Variants in KCTD1 observed in about 807,000 individuals in gnomAD.
The protein encoded by KCTD1 is BTB/POZ domain-containing protein KCTD1.
A neutral mutation model predicts 66.0 loss-of-function variants in KCTD1; 24 were observed. The observed-to-expected ratio is 0.36, with a 90% confidence interval of 0.26 to 0.51. The LOEUF is 0.51. Ranked by LOEUF, KCTD1 falls within the 20% of genes least tolerant of loss-of-function variation. The pLI is 0.95. For synonymous variants in KCTD1, 511 were observed against 517.2 expected, an observed-to-expected ratio of 0.99 and a Z score of 0.16; for missense variants, 943 against 1,205.2, an observed-to-expected ratio of 0.78 and a Z score of 3.22.
intron 1 of KCTD1, among the ~76,000 whole-genome samples, chr18:26,614,341 G>A (rs1987202288): frequency 6.6e-6 from 1 of 152,208 alleles, no homozygotes; most frequent in African/African-American, 2.4e-5. Context: ...ATTCCAAGAA[G>A]CTCACCTTCT....
chr18:26,530,954 C>T (rs1437606134), intron 1 of KCTD1, among the ~76,000 whole-genome samples: 1 of 152,324 alleles, frequency 6.6e-6, no homozygotes, highest in African/African-American at 2.4e-5. Flanking sequence ...GTTACTATAA[C>T]ATATTTTTAT....
At chr18:26,528,845 T>C (rs929520110) in intron 1 of KCTD1, among the ~76,000 whole-genome samples, 4 of 152,222 alleles carry the variant, frequency 2.6e-5, no homozygotes, top group African/African-American at 9.6e-5. Context: ...CGGCCACTTG[T>C]AGTTCTATGC....
At chr18:26,465,016 C>T (rs552662006) in intron 3 of KCTD1, among the ~76,000 whole-genome samples, 34 of 152,296 alleles carry the variant, frequency 2.2e-4, no homozygotes, top group African/African-American at 3.8e-4. Flanking sequence ...GGAGTGGCCA[C>T]TGCAGTTTTT....
At chr18:26,612,944 G>A (rs1987168183) in intron 1 of KCTD1, among the ~76,000 whole-genome samples, 1 of 152,102 alleles carries the variant, frequency 6.6e-6, no homozygotes, top group African/African-American at 2.4e-5. Context: ...TTGTTTGTTG[G>A]CTGGAAGCAG....
At chr18:26,487,027 C>T (rs12960937) in intron 2 of KCTD1, among the ~76,000 whole-genome samples, 77,427 of 152,002 alleles carry the variant, frequency 0.51, 22,289 homozygotes, top group East Asian at 0.83. Context: ...ACAGAAGATA[C>T]CTGGAAGCAA....
rs114115633 is a variant in KCTD1 at position 26,623,405 on chromosome 18, G to A, written c.-16+5742C>T. Among the ~76,000 whole-genome samples the A allele has an allele frequency of 6.5e-3, 994 of 152,262 alleles. 13 individuals carry two copies. Among genetic ancestry groups the A allele is most frequent in the African/African-American group, 0.022 (924 of 41,532 alleles). On this transcript the variant is annotated intron_variant, in intron 1 of 4. Coordinates refer to the KCTD1 transcript ENST00000317932. ...TACCCACGATACACACGTGTCATGGGAGGGACTCAGTAGGATGTAATTGAA... is the reference window on the plus strand; with the variant it reads ...TACCCACGATACACACGTGTCATGGAAGGGACTCAGTAGGATGTAATTGAA...
At chr18:26,482,631 C>A (rs75896996) in intron 2 of KCTD1, among the ~76,000 whole-genome samples, 4 of 152,158 alleles carry the variant, frequency 2.6e-5, no homozygotes, top group African/African-American at 4.8e-5. Context: ...CTGTACCCCC[C>A]ACCCTTCCCA....
intron 1 of KCTD1, among the ~76,000 whole-genome samples, chr18:26,515,459 G>C (rs1183414056): frequency 6.6e-6 from 1 of 151,662 alleles, no homozygotes; most frequent in Non-Finnish European, 1.5e-5. Flanking sequence ...GGGCAATCTG[G>C]TGGCGCCTGA....
chr18:26,579,905 T>C (rs1342982215), intron 1 of KCTD1, among the ~76,000 whole-genome samples: 2 of 152,120 alleles, frequency 1.3e-5, no homozygotes, highest in Non-Finnish European at 2.9e-5. Flanking sequence ...AAAGGAAGTA[T>C]AGGATGATGA....
chr18:26,569,369 A>T (rs1986051652), intron 1 of KCTD1, among the ~76,000 whole-genome samples: 1 of 152,204 alleles, frequency 6.6e-6, no homozygotes, highest in East Asian at 1.9e-4. Context: ...GGGCTCTGAG[A>T]AATAATCTTA....
At chr18:26,618,366 A>G (rs115788625) in intron 1 of KCTD1, among the ~76,000 whole-genome samples, 1,562 of 152,280 alleles carry the variant, frequency 0.01, 26 homozygotes, top group African/African-American at 0.035. Context: ...CTGTAGGATA[A>G]ATTATGGTTT....
chr18:26,520,682 C>T (rs755798071), intron 1 of KCTD1, among the ~76,000 whole-genome samples: 57 of 152,278 alleles, frequency 3.7e-4, no homozygotes, highest in Non-Finnish European at 7.5e-4. Context: ...CAGCTGACCC[C>T]ACATTTTAGC....
At chr18:26,526,741 G>C (rs755419632) in intron 1 of KCTD1, among the ~76,000 whole-genome samples, 2 of 152,030 alleles carry the variant, frequency 1.3e-5, no homozygotes, top group Non-Finnish European at 2.9e-5. Context: ...AATCCCACTT[G>C]AGAAAAGATA....
intron 1 of KCTD1, among the ~76,000 whole-genome samples, chr18:26,520,513 A>G (rs1983860405): frequency 1.3e-5 from 2 of 150,526 alleles, no homozygotes; most frequent in East Asian, 1.9e-4. Context: ...TACGAAGACA[A>G]TTTAGAGATT....
chr18:26,601,491 T>G (rs2023519), intron 1 of KCTD1, among the ~76,000 whole-genome samples: 79,647 of 151,924 alleles, frequency 0.52, 20,842 homozygotes, highest in South Asian at 0.57. Context: ...ATTAAGTTCT[T>G]AAATTGAGGA....
intron 2 of KCTD1, among the ~76,000 whole-genome samples, chr18:26,490,079 G>A (rs895528541): frequency 2.0e-5 from 3 of 152,124 alleles, no homozygotes; most frequent in African/African-American, 7.2e-5. Context: ...ATTGTCCCAA[G>A]CGATGTGGAT....
chr18:26,601,074 A>C (rs1447860323), intron 1 of KCTD1, among the ~76,000 whole-genome samples: 3 of 152,122 alleles, frequency 2.0e-5, no homozygotes, highest in Admixed American at 6.5e-5. Flanking sequence ...AGTGTCACAC[A>C]CAAATGGGGC....
At chr18:26,563,181 C>T (rs116075058) in intron 1 of KCTD1, among the ~76,000 whole-genome samples, 2,832 of 152,240 alleles carry the variant, frequency 0.019, 66 homozygotes, top group African/African-American at 0.054. Context: ...ATGCAGCAAA[C>T]AAAGTAGAAG....
At chr18:26,620,235 A>G (rs1489084601) in intron 1 of KCTD1, among the ~76,000 whole-genome samples, 1 of 151,930 alleles carries the variant, frequency 6.6e-6, no homozygotes, top group Admixed American at 6.6e-5. Flanking sequence ...AGGCCCTGGT[A>G]GAAGGTGACA....
Sources: allele counts gnomAD v4.1 joint callset (sites outside exome capture counted in the v4.1 genomes callset), GRCh38; gene constraint gnomAD v4.1.1; transcripts MANE v1.5; gene names NCBI Gene and HGNC (gene_info 2026-07-23, HGNC 2026-07-21).